The following SELENOF variants were observed in gnomAD, a reference collection of about 807,000 sequenced individuals.
SELENOF encodes selenoprotein F.
SELENOF carries 16 observed loss-of-function variants against 20.5 expected under a neutral mutation model. That is an observed-to-expected ratio of 0.78 (90% CI 0.53 to 1.19). The LOEUF (loss-of-function observed/expected upper bound fraction) is 1.19. Among genes scored for constraint, SELENOF ranks in the 50% most tolerant of loss-of-function variants. SELENOF has a pLI of 0.00. For missense variants in SELENOF, 215 were observed against 194.2 expected, an observed-to-expected ratio of 1.11 and a Z score of -0.64; for synonymous variants, 78 against 74.5, an observed-to-expected ratio of 1.05 and a Z score of -0.24.
At chr1:86,868,146 C>A in intron 3 of SELENOF, 44 bp from the exon 4 acceptor site, 1 of 900,366 alleles carries the variant, frequency 1.1e-6, no homozygotes. Context: ...ACTTCCAAAT[C>A]CAAGCTAGCT....
intron 2 of SELENOF, among the ~76,000 whole-genome samples, chr1:86,888,650 A>G (rs1348556031): frequency 1.3e-5 from 2 of 152,198 alleles, no homozygotes; most frequent in Non-Finnish European, 2.9e-5. Flanking sequence ...CATAAAAAGA[A>G]TAGTTATGAT....
intron 4 of SELENOF, among the ~76,000 whole-genome samples, chr1:86,867,693 G>A (rs1658638772): frequency 6.8e-6 from 1 of 147,560 alleles, no homozygotes; most frequent in Non-Finnish European, 1.5e-5. Context: ...CACAAAGAAT[G>A]AATGCTAATG....
chr1:86,864,265 C>A (rs1441477282), intron 4 of SELENOF, among the ~76,000 whole-genome samples: 1 of 152,180 alleles, frequency 6.6e-6, no homozygotes, highest in Non-Finnish European at 1.5e-5. Flanking sequence ...AGGCTGGGTT[C>A]CTGAAACTTC....
At chr1:86,888,932 T>G (rs558950074) in intron 2 of SELENOF, among the ~76,000 whole-genome samples, 1 of 152,330 alleles carries the variant, frequency 6.6e-6, no homozygotes, top group Admixed American at 6.5e-5. Context: ...CAGGCGTGCC[T>G]GGCCAGTTAT....
rs1362747784 is a variant in SELENOF at position 86,883,456 on chromosome 1, ATAGTGTATAGTGTATGTACAC to A, written c.253-2752_253-2732del. Among the ~76,000 whole-genome samples, 151 of 151,508 alleles carry A rather than the reference ATAGTGTATAGTGTATGTACAC, an allele frequency of 1.0e-3. 3 individuals carry two copies. In the South Asian group the frequency reaches 0.026, roughly 26 times the overall value. On this transcript the variant is annotated intron_variant, in intron 2 of 4. Transcript: ENST00000331835. ...AATTTTAGTGTATATTTTACACTAA[ATAGTGTATAGTGTATGTACAC>A]TAGTGTATAGTGTACGTACACTAAA...
intron 3 of SELENOF, among the ~76,000 whole-genome samples, chr1:86,872,514 A>G (rs1412467163): frequency 6.7e-6 from 1 of 149,584 alleles, no homozygotes; most frequent in Non-Finnish European, 1.5e-5. Context: ...GATTACAGGC[A>G]TGCGCCACAA....
intron 2 of SELENOF, among the ~76,000 whole-genome samples, chr1:86,899,632 G>A (rs1213633622): frequency 6.6e-6 from 1 of 150,536 alleles, no homozygotes; most frequent in Non-Finnish European, 1.5e-5. Context: ...GGCTGGCCTG[G>A]CGGGGGGCTG....
chr1:86,884,357 ACAC>A (rs1659157927), intron 2 of SELENOF, among the ~76,000 whole-genome samples: 1 of 145,886 alleles, frequency 6.9e-6, no homozygotes, highest in Admixed American at 6.8e-5. Flanking sequence ...ACACACACAC[ACAC>A]ACACACACAC....
At chr1:86,872,475 T>C (rs1658800711) in intron 3 of SELENOF, among the ~76,000 whole-genome samples, 1 of 151,862 alleles carries the variant, frequency 6.6e-6, no homozygotes, top group Non-Finnish European at 1.5e-5. Flanking sequence ...TTCAGGCGAT[T>C]CTCCTGCCTC....
At chr1:86,877,521 A>C (rs1658953131) in intron 3 of SELENOF, among the ~76,000 whole-genome samples, 1 of 152,250 alleles carries the variant, frequency 6.6e-6, no homozygotes, top group African/African-American at 2.4e-5. Flanking sequence ...GGACCCAAAT[A>C]TAAACCTGAA....
chr1:86,883,672 T>G (rs1007882554), intron 2 of SELENOF, among the ~76,000 whole-genome samples: 3 of 152,226 alleles, frequency 2.0e-5, no homozygotes, highest in Non-Finnish European at 4.4e-5. Context: ...CTAATAATAT[T>G]TCTCTATACC....
chr1:86,887,048 A>C, intron 2 of SELENOF: 1 of 1,224,686 alleles, frequency 8.2e-7, no homozygotes, highest in Non-Finnish European at 1.1e-6. Flanking sequence ...ATTCTCAGGG[A>C]AAATATTATC....
intron 2 of SELENOF, among the ~76,000 whole-genome samples, chr1:86,883,906 A>G (rs1401440694): frequency 6.6e-6 from 1 of 152,210 alleles, no homozygotes; most frequent in Non-Finnish European, 1.5e-5. Flanking sequence ...CAACTGATTA[A>G]CCAAAAATAT....
intron 1 of SELENOF, among the ~76,000 whole-genome samples, chr1:86,904,687 C>T (rs1659786983): frequency 6.6e-6 from 1 of 152,138 alleles, no homozygotes; most frequent in Admixed American, 6.5e-5. Flanking sequence ...CCTAACACCC[C>T]AAACTCATTA....
intron 1 of SELENOF, among the ~76,000 whole-genome samples, chr1:86,911,552 T>C (rs1410178077): frequency 6.6e-6 from 1 of 152,166 alleles, no homozygotes; most frequent in African/African-American, 2.4e-5. Flanking sequence ...GTTTTAATCA[T>C]GACAGATTTA....
intron 2 of SELENOF, among the ~76,000 whole-genome samples, chr1:86,885,150 A>AACT (rs1215335709): frequency 2.0e-5 from 3 of 152,186 alleles, no homozygotes; most frequent in African/African-American, 7.2e-5. Context: ...TAAATATTTT[A>AACT]ACTACTACAG....
chr1:86,911,901 A>G (rs1659993229), intron 1 of SELENOF, among the ~76,000 whole-genome samples: 1 of 151,228 alleles, frequency 6.6e-6, no homozygotes, highest in East Asian at 1.9e-4. Context: ...CTCCTGCCTC[A>G]GCCTCCCGAG....
chr1:86,896,925 TCTTAGTAAAAACAGC>T (rs1659539960), intron 2 of SELENOF, among the ~76,000 whole-genome samples: 1 of 152,184 alleles, frequency 6.6e-6, no homozygotes, highest in South Asian at 2.1e-4. Context: ...TCCAACTTGT[TCTTAGTAAAAACAGC>T]CTTATTCAAG....
chr1:86,881,631 A>AAACAAC (rs3835438), intron 2 of SELENOF, among the ~76,000 whole-genome samples: 50 of 152,076 alleles, frequency 3.3e-4, no homozygotes, highest in Non-Finnish European at 6.0e-4. Context: ...ACTTAATTAA[A>AAACAAC]AACAACAACA....
Sources: allele counts gnomAD v4.1 joint callset (sites outside exome capture counted in the v4.1 genomes callset), GRCh38; gene constraint gnomAD v4.1.1; transcripts MANE v1.5; gene names NCBI Gene and HGNC (gene_info 2026-07-23, HGNC 2026-07-21).